The following ADAM20 variants were observed in gnomAD, a reference collection of about 807,000 sequenced individuals.
ADAM20 encodes disintegrin and metalloproteinase domain-containing protein 20.
For missense variants in ADAM20, 871 were observed against 883.2 expected (o/e 0.99, Z 0.18); for synonymous variants, 305 against 310.2 (o/e 0.98, Z 0.18).
chr14:70,577,517 C>T, the ADAM20 span, among the ~76,000 whole-genome samples: 1 of 152,086 alleles, frequency 6.6e-6, no homozygotes, highest in Non-Finnish European at 1.5e-5. Context: ...AGAACTAGAA[C>T]ACTAGAACAA....
chr14:70,555,240 T>A, the ADAM20 span, among the ~76,000 whole-genome samples: 145 of 152,290 alleles, frequency 9.5e-4, 1 homozygote, highest in African/African-American at 3.3e-3. Flanking sequence ...TGAAATTTAC[T>A]AAGCAGGTAG....
At chr14:70,565,110 A>G in the ADAM20 span, among the ~76,000 whole-genome samples, 6 of 151,452 alleles carry the variant, frequency 4.0e-5, no homozygotes, top group East Asian at 7.7e-4. Context: ...AGAAAATTGG[A>G]TTTTATTAAA....
At chr14:70,545,789 T>G in the ADAM20 span, among the ~76,000 whole-genome samples, 2 of 152,200 alleles carry the variant, frequency 1.3e-5, no homozygotes, top group South Asian at 2.1e-4. Flanking sequence ...CATGCCACTT[T>G]CAGCATTGGA....
the ADAM20 span, among the ~76,000 whole-genome samples, chr14:70,555,553 G>A: frequency 1.3e-5 from 2 of 151,954 alleles, no homozygotes; most frequent in African/African-American, 4.8e-5. Context: ...TCCCTTTTAC[G>A]GACAGCCAGC....
At chr14:70,562,200 T>A in the ADAM20 span, among the ~76,000 whole-genome samples, 2 of 152,218 alleles carry the variant, frequency 1.3e-5, no homozygotes, top group Admixed American at 1.3e-4. Context: ...ATGTGAGACA[T>A]CATGTCAAAA....
chr14:70,535,555 C>T (rs183455266), upstream of ADAM20, among the ~76,000 whole-genome samples: 254 of 152,244 alleles, frequency 1.7e-3, no homozygotes, highest in African/African-American at 5.7e-3. Context: ...GTCTATGCAC[C>T]TCAAGCTTGA....
chr14:70,534,383 G>A (rs12590471), intron 1 of ADAM20, among the ~76,000 whole-genome samples: 39,496 of 151,698 alleles, frequency 0.26, 6,980 homozygotes, highest in East Asian at 0.56. Flanking sequence ...TATCAAAATC[G>A]GGCTCTTGAA....
Position 70,523,418 on chromosome 14 carries a change from C to G in ADAM20, c.1340G>C (p.Cys447Ser), listed in dbSNP as rs1269396055. 1 of 1,614,038 alleles carries G rather than the reference C, an allele frequency of 6.2e-7. No individual in the cohort carries two copies. Among genetic ancestry groups the G allele is most frequent in the Non-Finnish European group, 8.5e-7 (1 of 1,179,970 alleles). Residue 447 changes from cysteine (C) to serine (S), a missense_variant, in exon 2 of 2, where the codon TGT (cysteine) becomes TCT (serine). By Grantham distance (112) the Cys-to-Ser change is moderately radical. Coordinates refer to ENST00000256389, the MANE Select transcript of ADAM20 (RefSeq NM_003814.5). ...LNCTLHPGAA[C>S]AFGICCKDCK... ...GTCTTTGCAACATATTCCAAAAGCA[C>G]AAGCAGCCCCAGGATGTAGAGTACA...
rs748967558 is a variant in ADAM20, at chr14:70,524,849, A to C, written c.-92T>G. On this transcript the variant is annotated 5_prime_UTR_variant, in exon 2 of 2. Transcript: ENST00000256389. ...TCTGGCTCCTCCCTCTGAGCTGTTC[A>C]GGGTGCATGGCTGACCTTTAGGGAT... 10 of 1,613,132 alleles carry C rather than the reference A, an allele frequency of 6.2e-6. No individual in the cohort carries two copies. The highest frequency in any genetic ancestry group is 2.2e-5 in the East Asian group (1 of 44,876).
At position 70,523,962 on chromosome 14, in the gene ADAM20, G is replaced by A. The variant is rs527236663; in HGVS notation, c.796C>T (p.Leu266Phe). The A allele has an allele frequency of 6.2e-7, 1 of 1,614,044 alleles. No homozygotes were observed. The highest frequency in any genetic ancestry group is 1.1e-5 in the South Asian group (1 of 91,078). The change falls in exon 2 of 2, where the codon CTT becomes TTT. Residue 266 changes from leucine to phenylalanine, a missense_variant. Physicochemically the swap from Leu to Phe is conservative, Grantham distance 22 (BLOSUM62 0). Coordinates refer to ENST00000256389, the MANE Select transcript of ADAM20 (RefSeq NM_003814.5). ...TTATCTAGGTCTCCACTGGTAGGAA[G>A]TGGATTTGATGCAGTCCATATATCA... is the stretch of plus-strand genomic sequence containing the variant. ...GIDIWTASNPLPTSGDLDNVL... is the reference protein window; with the variant it reads ...GIDIWTASNPFPTSGDLDNVL...
At chr14:70,574,762 G>T in the ADAM20 span, among the ~76,000 whole-genome samples, 1 of 152,046 alleles carries the variant, frequency 6.6e-6, no homozygotes, top group African/African-American at 2.4e-5. Context: ...AAAGATCAGG[G>T]CAGAAATAAA....
upstream of ADAM20, among the ~76,000 whole-genome samples, chr14:70,539,771 T>C (rs1269700690): frequency 6.6e-6 from 1 of 152,206 alleles, no homozygotes; most frequent in East Asian, 1.9e-4. Flanking sequence ...TGTTAAAGAA[T>C]TACTTCATCC....
the ADAM20 span, among the ~76,000 whole-genome samples, chr14:70,542,691 C>A: frequency 2.0e-5 from 3 of 152,232 alleles, no homozygotes; most frequent in Non-Finnish European, 2.9e-5. Context: ...GTAATCCCAG[C>A]ACTTTGGGAG....
In ADAM20 at chr14:70,523,022, GA is replaced by G; in HGVS notation, c.1735del (p.Ser579LeufsTer20). On this transcript the variant is annotated frameshift_variant, in exon 2 of 2. Coordinates refer to ENST00000256389, the MANE Select transcript of ADAM20 (RefSeq NM_003814.5). LOFTEE classifies it low-confidence loss of function (END_TRUNC). ...ATTGAGGTGAAACTGCTGCACTGTA[GA>G]ATGCTCTATCAGATTGGGAATTACT... Reference protein sequence around the residue: ...VGVIPNLIEHSTVQQFHLNDT... With the variant: ...VGVIPNLIEHXTVQQFHLNDT... 1 of 1,614,000 alleles carries G rather than the reference GA, an allele frequency of 6.2e-7. No individual in the cohort carries two copies. Among genetic ancestry groups the G allele is most frequent in the Non-Finnish European group, 8.5e-7 (1 of 1,179,958 alleles).
the ADAM20 span, among the ~76,000 whole-genome samples, chr14:70,567,481 G>A: frequency 3.3e-5 from 5 of 152,208 alleles, no homozygotes; most frequent in Non-Finnish European, 7.3e-5. Flanking sequence ...AACATGGAGA[G>A]AGGGACATCT....
the ADAM20 span, among the ~76,000 whole-genome samples, chr14:70,554,494 C>T: frequency 6.6e-6 from 1 of 151,962 alleles, no homozygotes; most frequent in Admixed American, 6.6e-5. Flanking sequence ...AAATGTCTGT[C>T]GACAGATGAA....
chr14:70,553,549 C>G, the ADAM20 span, among the ~76,000 whole-genome samples: 1 of 97,990 alleles, frequency 1.0e-5, no homozygotes, highest in East Asian at 3.4e-4. Context: ...AAAAAAAAAA[C>G]TAGCAAACCA....
the ADAM20 span, among the ~76,000 whole-genome samples, chr14:70,543,520 A>G: frequency 6.6e-6 from 1 of 152,226 alleles, no homozygotes; most frequent in Non-Finnish European, 1.5e-5. Context: ...ACTGCTATAT[A>G]ATTTAAAGAA....
the ADAM20 span, among the ~76,000 whole-genome samples, chr14:70,550,711 G>A: frequency 1.2e-3 from 46 of 39,088 alleles, no homozygotes; most frequent in East Asian, 4.5e-3. Context: ...ATTCACAGCC[G>A]AATTCTACCA....
Sources: allele counts gnomAD v4.1 joint callset (sites outside exome capture counted in the v4.1 genomes callset), GRCh38; gene constraint gnomAD v4.1.1; transcripts MANE v1.5; gene names NCBI Gene and HGNC (gene_info 2026-07-23, HGNC 2026-07-21).